The following CSMD1 variants were observed in gnomAD, a reference collection of about 807,000 sequenced individuals.
The protein encoded by CSMD1 is CUB and Sushi multiple domains 1.
Under a neutral mutation model 417.5 loss-of-function variants are expected in CSMD1, and 213 were observed. The observed-to-expected ratio is 0.51, with a 90% CI of 0.46 to 0.57. The LOEUF is 0.57. Ranked by LOEUF, CSMD1 falls within the 20% of genes least tolerant of loss-of-function variation. The pLI is 0.00. For synonymous variants in CSMD1, 2,862 were observed against 1,736.8 expected (o/e 1.65, Z -16.11); for missense variants, 6,923 against 4,529.7 (o/e 1.53, Z -15.17).
chr8:4,647,824 C>A (rs1345793156), intron 1 of CSMD1, among the ~76,000 whole-genome samples: 1 of 152,108 alleles, frequency 6.6e-6, no homozygotes, highest in Non-Finnish European at 1.5e-5. Flanking sequence ...CACTGATGGG[C>A]GTTTGGGTTG....
chr8:3,941,548 C>T (rs977006930), intron 5 of CSMD1, among the ~76,000 whole-genome samples: 2 of 152,144 alleles, frequency 1.3e-5, no homozygotes, highest in African/African-American at 4.8e-5. Flanking sequence ...TCTCTCCGAG[C>T]AGTGGGTTTC....
chr8:4,761,887 CTACCTACCTATCTAT>C (rs1812113942), intron 1 of CSMD1, among the ~76,000 whole-genome samples: 1 of 69,256 alleles, frequency 1.4e-5, no homozygotes. Flanking sequence ...ATCTATCTAT[CTACCTACCTATCTAT>C]CTATCTATCA....
At chr8:3,053,771 C>G (rs1447879968) in intron 49 of CSMD1, among the ~76,000 whole-genome samples, 1 of 152,122 alleles carries the variant, frequency 6.6e-6, no homozygotes, top group Non-Finnish European at 1.5e-5. Flanking sequence ...AGCCAACAAG[C>G]AGGCAGAGGG....
intron 29 of CSMD1, among the ~76,000 whole-genome samples, chr8:3,216,654 C>G (rs1797897465): frequency 6.6e-6 from 1 of 152,194 alleles, no homozygotes; most frequent in South Asian, 2.1e-4. Context: ...TGATAAATCA[C>G]TGGCACATTT....
intron 3 of CSMD1, among the ~76,000 whole-genome samples, chr8:4,231,667 C>A (rs1563310260): frequency 6.6e-6 from 1 of 152,188 alleles, no homozygotes; most frequent in Non-Finnish European, 1.5e-5. Context: ...AGGCTATTAA[C>A]TACAAGCTGT....
intron 5 of CSMD1, among the ~76,000 whole-genome samples, chr8:3,897,078 G>A (rs988156863): frequency 4.6e-5 from 7 of 151,964 alleles, no homozygotes; most frequent in East Asian, 1.9e-4. Context: ...GGAAGTTTCC[G>A]AATGTTCCTT....
chr8:3,963,951 G>T (rs189926172), intron 5 of CSMD1, among the ~76,000 whole-genome samples: 12 of 152,278 alleles, frequency 7.9e-5, no homozygotes, highest in Admixed American at 2.0e-4. Flanking sequence ...AGAAGAAAAA[G>T]TTCGTTGGAT....
chr8:4,203,308 C>G (rs145579893), intron 3 of CSMD1, among the ~76,000 whole-genome samples: 1 of 152,096 alleles, frequency 6.6e-6, no homozygotes, highest in African/African-American at 2.4e-5. Flanking sequence ...CTCAACACCA[C>G]GGGGTCGGCT....
chr8:4,099,985 A>G (rs1352389409), intron 3 of CSMD1, among the ~76,000 whole-genome samples: 1 of 151,792 alleles, frequency 6.6e-6, no homozygotes, highest in African/African-American at 2.4e-5. Context: ...ACAGTTGTCT[A>G]AACTCTCATT....
At chr8:4,456,188 C>A (rs573534599) in intron 2 of CSMD1, among the ~76,000 whole-genome samples, 1 of 151,488 alleles carries the variant, frequency 6.6e-6, no homozygotes, top group Non-Finnish European at 1.5e-5. Context: ...ATGACACAAA[C>A]TTTATTACAG....
chr8:4,482,113 T>C (rs1421768272), intron 2 of CSMD1, among the ~76,000 whole-genome samples: 1 of 152,148 alleles, frequency 6.6e-6, no homozygotes, highest in East Asian at 1.9e-4. Context: ...TTAAAAAACT[T>C]TTAAGTTCAG....
intron 27 of CSMD1, among the ~76,000 whole-genome samples, chr8:3,226,253 G>C (rs1183311890): frequency 6.6e-6 from 1 of 152,084 alleles, no homozygotes; most frequent in Admixed American, 6.5e-5. Context: ...GGCTATATAA[G>C]ATAATGAAGA....
chr8:3,879,087 C>G (rs1267273929), intron 5 of CSMD1, among the ~76,000 whole-genome samples: 1 of 151,844 alleles, frequency 6.6e-6, no homozygotes, highest in Non-Finnish European at 1.5e-5. Flanking sequence ...TCTGGGGTAC[C>G]CAAGCATGTA....
intron 6 of CSMD1, among the ~76,000 whole-genome samples, chr8:3,717,662 T>C (rs892678806): frequency 2.4e-4 from 36 of 152,222 alleles, no homozygotes; most frequent in Non-Finnish European, 8.8e-5. Flanking sequence ...ATTAATGCTA[T>C]GTGCATTGTA....
chr8:3,734,559 A>G (rs546319175), intron 6 of CSMD1, among the ~76,000 whole-genome samples: 1 of 152,166 alleles, frequency 6.6e-6, no homozygotes, highest in African/African-American at 2.4e-5. Flanking sequence ...AAAAATACCC[A>G]AAATAGCTAG....
In CSMD1 at chr8:3,601,079, G is replaced by C. The variant is rs1239746216; in HGVS notation, c.1098-14819C>G. ...TATCGTGGCAGCAAGCTTGATACCAGGTCATACATGCTAGAAACCTCCATG... is the reference window on the plus strand; with the variant it reads ...TATCGTGGCAGCAAGCTTGATACCACGTCATACATGCTAGAAACCTCCATG... On this transcript the variant is annotated intron_variant, in intron 8 of 69. Coordinates refer to ENST00000635120, the MANE Select transcript of CSMD1 (RefSeq NM_033225.6). Among the ~76,000 whole-genome samples, 9 of 152,118 alleles carry C rather than the reference G, an allele frequency of 5.9e-5. No homozygotes were observed. The East Asian group carries it at 7.7e-4, about 13-fold the overall frequency.
At chr8:4,942,492 T>C (rs536551788) in intron 1 of CSMD1, among the ~76,000 whole-genome samples, 4 of 152,314 alleles carry the variant, frequency 2.6e-5, no homozygotes, top group South Asian at 2.1e-4. Context: ...TTTTAACTTA[T>C]ATTTGTTAAA....
intron 3 of CSMD1, among the ~76,000 whole-genome samples, chr8:4,117,571 A>G (rs1292274682): frequency 1.3e-5 from 2 of 152,228 alleles, no homozygotes; most frequent in Non-Finnish European, 2.9e-5. Flanking sequence ...AGCAGCTACA[A>G]TAAATGATGG....
chr8:3,380,719 A>G (rs996789929), intron 18 of CSMD1, among the ~76,000 whole-genome samples: 3 of 152,066 alleles, frequency 2.0e-5, no homozygotes, highest in African/African-American at 7.2e-5. Flanking sequence ...CTGGGGAAAC[A>G]TCACACACTG....
Sources: gnomAD v4.1 joint callset for allele counts (sites outside exome capture counted in the v4.1 genomes callset) on GRCh38, gnomAD v4.1.1 for gene constraint, MANE v1.5 for transcripts, NCBI Gene and HGNC (gene_info 2026-07-23, HGNC 2026-07-21) for gene names.